Variants in ANXA2 observed in about 807,000 individuals in gnomAD.
ANXA2 encodes the protein annexin A2, also known as annexin II.
ANXA2 carries 28 observed loss-of-function variants against 47.3 expected under a neutral mutation model. The ratio of observed to expected loss-of-function variants is 0.59; its 90% CI spans 0.44 to 0.81. ANXA2 has a LOEUF of 0.81. ANXA2 is among the 40% of genes least tolerant of loss of function. The pLI is 0.00. For synonymous variants in ANXA2, 172 were observed against 155.5 expected, an observed-to-expected ratio of 1.11 and a Z score of -0.79; for missense variants, 384 against 414.3, an observed-to-expected ratio of 0.93 and a Z score of 0.64.
At chr15:60,397,323 T>C in intron 1 of ANXA2, 1 of 985,656 alleles carries the variant, frequency 1.0e-6, no homozygotes, top group Non-Finnish European at 1.2e-6. Flanking sequence ...CCGAAGTTGC[T>C]ATGCTACAAG....
Position 60,364,582 on chromosome 15 carries a change from TAGA to T in ANXA2, c.149-62_149-60del. On this transcript the variant is annotated intron_variant, in intron 3 of 12. Transcript: ENST00000451270. ...TATACTCTAGTATTTTGGGCTTACA[TAGA>T]AGGTGTCAAGCAGACTTTTTCAAAC... 4.4e-6 allele frequency: 6 copies of T among 1,361,014 alleles called. No individual in the cohort carries two copies. In the South Asian group the frequency reaches 7.9e-5, roughly 18 times the overall value. 84.3% of individuals were successfully genotyped at this position (1,361,014 alleles called of 1,614,324 possible).
In ANXA2 at chr15:60,355,966, A is replaced by C. The variant is rs753435310; in HGVS notation, c.481T>G (p.Ser161Ala). 1 of 1,614,152 alleles carries C rather than the reference A, an allele frequency of 6.2e-7. No homozygotes were observed. The highest frequency in any genetic ancestry group is 1.1e-5 in the South Asian group (1 of 91,084). The change falls in exon 7 of 13, where the codon TCG becomes GCG. Residue 161 changes from serine (S) to alanine (A), a missense_variant. Physicochemically the swap from Ser to Ala is moderately conservative, Grantham distance 99. Transcript: ENST00000451270. ...TTGCGGAAGTCACCAGATGTGTCCG[A>C]AATAATGTCCTTCTCCAGATCAGTC... Reference protein sequence around the residue: ...YKTDLEKDIISDTSGDFRKLM... With the variant: ...YKTDLEKDIIADTSGDFRKLM...
At position 60,347,518 on chromosome 15, in the gene ANXA2, GT is replaced by G. The variant is rs780424399; in HGVS notation, c.*111del. 16 of 1,011,372 alleles carry G rather than the reference GT, an allele frequency of 1.6e-5. No homozygotes were observed. The highest frequency in any genetic ancestry group is 2.0e-5 in the Non-Finnish European group (13 of 653,148). The allele number at this position is 1,011,372 out of a possible 1,614,324, so 62.6% of individuals were successfully genotyped here. On this transcript the variant is annotated 3_prime_UTR_variant, in exon 13 of 13. Transcript: ENST00000451270. ...AAATGAGGTTGGGGGTAATGCTAACGTCACCCTCACAGGGATGGCCACGGGG... is the reference window on the plus strand; with the variant it reads ...AAATGAGGTTGGGGGTAATGCTAACGCACCCTCACAGGGATGGCCACGGGG...
chr15:60,350,950 T>A (rs1263201548), intron 11 of ANXA2, among the ~76,000 whole-genome samples: 1 of 152,220 alleles, frequency 6.6e-6, no homozygotes, highest in African/African-American at 2.4e-5. Context: ...ATGTCGCATT[T>A]TCTCTCTCCC....
chr15:60,361,918 T>TC (rs1309600585), intron 4 of ANXA2, among the ~76,000 whole-genome samples: 1 of 151,994 alleles, frequency 6.6e-6, no homozygotes, highest in Admixed American at 6.6e-5. Context: ...TTTTTTTTTT[T>TC]CTTCTCTCTC....
intron 5 of ANXA2, among the ~76,000 whole-genome samples, chr15:60,359,985 G>A (rs778853884): frequency 4.2e-4 from 64 of 152,310 alleles, no homozygotes; most frequent in Middle Eastern, 3.4e-3. Context: ...GGCCAGGCGC[G>A]GTGGCTCACG....
intron 3 of ANXA2, 25 bp from the exon 4 acceptor site, chr15:60,364,548 G>C: frequency 6.3e-7 from 1 of 1,583,948 alleles, no homozygotes; most frequent in Non-Finnish European, 8.6e-7. Flanking sequence ...GTTGTTAATC[G>C]TTACTCAGTA....
intron 3 of ANXA2, among the ~76,000 whole-genome samples, chr15:60,380,610 G>C (rs2062843871): frequency 6.6e-6 from 1 of 151,544 alleles, no homozygotes; most frequent in African/African-American, 2.4e-5. Context: ...TTCGAGACCA[G>C]GCTGACCAAC....
At chr15:60,394,196 GAGGC>G (rs1305068085) in intron 1 of ANXA2, among the ~76,000 whole-genome samples, 1 of 152,234 alleles carries the variant, frequency 6.6e-6, no homozygotes, top group African/African-American at 2.4e-5. Flanking sequence ...AGGCAGCAAA[GAGGC>G]AGGATGTACG....
intron 3 of ANXA2, among the ~76,000 whole-genome samples, chr15:60,366,689 C>A (rs2062613678): frequency 1.4e-5 from 2 of 143,044 alleles, no homozygotes; most frequent in African/African-American, 5.2e-5. Context: ...GGGGTCAGCC[C>A]CCCGCCCGGC....
chr15:60,397,226 A>C, intron 1 of ANXA2: 1 of 963,508 alleles, frequency 1.0e-6, no homozygotes, highest in African/African-American at 1.8e-5. Context: ...GTAACAGGAC[A>C]ACCCTCCCCA....
intron 2 of ANXA2, 143 bp downstream of exon 2, chr15:60,385,885 A>T: frequency 3.6e-6 from 2 of 550,948 alleles, no homozygotes; most frequent in Non-Finnish European, 6.3e-6. Flanking sequence ...GAACAGCTGA[A>T]GTATTAAGAA....
intron 3 of ANXA2, among the ~76,000 whole-genome samples, chr15:60,376,635 G>A (rs150025204): frequency 6.6e-6 from 1 of 152,176 alleles, no homozygotes; most frequent in African/African-American, 2.4e-5. Flanking sequence ...TCTAACAGAG[G>A]GCTGCAAGTG....
intron 4 of ANXA2, among the ~76,000 whole-genome samples, chr15:60,363,203 C>A (rs572058758): frequency 1.3e-5 from 2 of 152,122 alleles, no homozygotes; most frequent in East Asian, 1.9e-4. Context: ...AGCTCACAGA[C>A]CCCTTTGGGA....
At chr15:60,366,806 G>T (rs1246093994) in intron 3 of ANXA2, among the ~76,000 whole-genome samples, 1 of 110,432 alleles carries the variant, frequency 9.1e-6, no homozygotes, top group Non-Finnish European at 2.0e-5. Context: ...GGGAGGCGGG[G>T]GGGGGGGGGG....
chr15:60,388,172 G>A (rs2062958627), intron 1 of ANXA2, among the ~76,000 whole-genome samples: 2 of 150,604 alleles, frequency 1.3e-5, no homozygotes, highest in African/African-American at 4.9e-5. Context: ...TGGGCAACAA[G>A]AGCAAAACTC....
chr15:60,347,718 G>A (rs760717986), intron 12 of ANXA2, 29 bp from the exon 13 acceptor site: 10 of 1,606,150 alleles, frequency 6.2e-6, no homozygotes, highest in South Asian at 5.5e-5. Flanking sequence ...GAAAAGAAAC[G>A]TGGTATCAGA....
chr15:60,355,813 C>T (rs1339955167), intron 7 of ANXA2, 106 bp downstream of exon 7: 1 of 976,536 alleles, frequency 1.0e-6, no homozygotes, highest in Non-Finnish European at 1.7e-6. Context: ...AGCTGAATTT[C>T]TGATGCAGGC....
chr15:60,393,722 G>A (rs1470190889), intron 1 of ANXA2: 1 of 975,488 alleles, frequency 1.0e-6, no homozygotes, highest in African/African-American at 1.8e-5. Flanking sequence ...TGCTTCTGCA[G>A]CTTTTTGTGT....
Sources: gnomAD v4.1 joint callset for allele counts (sites outside exome capture counted in the v4.1 genomes callset) on GRCh38, gnomAD v4.1.1 for gene constraint, MANE v1.5 for transcripts, NCBI Gene and HGNC (gene_info 2026-07-23, HGNC 2026-07-21) for gene names.